The following MORC4 variants were observed in gnomAD, a reference collection of about 807,000 sequenced individuals.
MORC4 encodes the protein MORC family CW-type zinc finger 4, also known as MORC family CW-type zinc finger protein 4.
Under a neutral mutation model 65.5 loss-of-function variants are expected in MORC4, and 22 were observed. That is an observed-to-expected ratio of 0.34 (90% CI 0.24 to 0.48). The LOEUF (loss-of-function observed/expected upper bound fraction) is 0.48. MORC4 is among the 20% of genes least tolerant of loss of function. The pLI is 0.99. For missense variants in MORC4, 624 were observed against 703.0 expected, an observed-to-expected ratio of 0.89 and a Z score of 1.27; for synonymous variants, 267 against 255.8, an observed-to-expected ratio of 1.04 and a Z score of -0.42.
chrX:106,956,779 A>C (rs1205929637), intron 12 of MORC4, among the ~76,000 whole-genome samples, 157 bp downstream of exon 12: 1 of 111,355 alleles, frequency 9.0e-6, no homozygotes, highest in Non-Finnish European at 1.9e-5. Flanking sequence ...CATTCAGGAG[A>C]TGATTAGAAG....
intron 9 of MORC4, among the ~76,000 whole-genome samples, chrX:106,972,090 T>A (rs1384484305): frequency 8.9e-5 from 10 of 112,178 alleles, no homozygotes; most frequent in Admixed American, 7.5e-4. Context: ...AATGATAGAC[T>A]GGATTAAGAA....
rs777091326 is a variant in MORC4, at chrX:106,941,614, C to T, written c.2679G>A (p.Thr893=). The stretch of plus-strand genomic sequence containing the variant: ...GATAGCTGACGTGGATACGTAGCCG[C>T]GTAAGCTTTGCCAAAGCCCTGTATG... The part of the protein sequence containing the change: ...DDLERALAKL[T]RLRIHVSYLL... The change falls in exon 17 of 17, where the codon ACG becomes ACA. Residue 893 remains threonine, a synonymous_variant. Coordinates refer to ENST00000355610, the MANE Select transcript of MORC4 (RefSeq NM_024657.5). The T allele has an allele frequency of 2.5e-6, 3 of 1,210,101 alleles. No individual in the cohort carries two copies. The highest frequency in any genetic ancestry group is 3.0e-5 in the East Asian group (1 of 33,809).
intron 9 of MORC4, among the ~76,000 whole-genome samples, chrX:106,971,007 A>C (rs761546579): frequency 8.9e-6 from 1 of 112,066 alleles, no homozygotes; most frequent in East Asian, 2.8e-4. Flanking sequence ...CGCATAGCCA[A>C]GACAGTCCTG....
intron 3 of MORC4, among the ~76,000 whole-genome samples, chrX:106,989,638 G>A (rs1009604048): frequency 9.0e-6 from 1 of 111,182 alleles, no homozygotes; most frequent in African/African-American, 3.3e-5. Context: ...GGAGGCCGAG[G>A]CAGGCGGATC....
rs765583045 is a variant in MORC4, at chrX:106,941,654, C to A, written c.2661-22G>T. On this transcript the variant is annotated intron_variant, in intron 16 of 16. Coordinates refer to ENST00000355610, the MANE Select transcript of MORC4 (RefSeq NM_024657.5). The stretch of plus-strand genomic sequence containing the variant: ...AGCCCTGTATGAAGGAGTGAGGGGG[C>A]AGGAGAAGAGATGACATGAAGTCAT... 3.3e-6 allele frequency: 4 copies of A among 1,198,566 alleles called. No individual in the cohort carries two copies. In the South Asian group the frequency reaches 5.5e-5, roughly 16 times the overall value.
intron 3 of MORC4, among the ~76,000 whole-genome samples, chrX:106,990,616 A>T (rs1168594284): frequency 8.9e-6 from 1 of 112,530 alleles, no homozygotes; most frequent in Non-Finnish European, 1.9e-5. Flanking sequence ...TCATGCCTGT[A>T]ATCTCAGCAC....
At chrX:106,947,571 T>TATATATATATA (rs1555982139) in intron 14 of MORC4, among the ~76,000 whole-genome samples, 1 of 77,956 alleles carries the variant, frequency 1.3e-5, no homozygotes, top group Non-Finnish European at 2.3e-5. Context: ...TATATATATA[T>TATATATATATA]TATATATATA....
chrX:106,981,490 G>T lies in MORC4; in HGVS notation c.675-13C>A. 8.5e-7 allele frequency: 1 copy of T among 1,172,826 alleles called. No homozygotes were observed. Among genetic ancestry groups the T allele is most frequent in the Non-Finnish European group, 1.1e-6 (1 of 878,183 alleles). On this transcript the variant is annotated splice_polypyrimidine_tract_variant and intron_variant, in intron 5 of 16. Transcript: ENST00000355610. ...TCCATTTTTATTTCTGGGGAAAAGAGACAAGTACCAATCTAACAAAAACTG... is the reference window on the plus strand; with the variant it reads ...TCCATTTTTATTTCTGGGGAAAAGATACAAGTACCAATCTAACAAAAACTG...
At chrX:106,954,775 C>T (rs1486502176) in intron 14 of MORC4, 138 bp downstream of exon 14, 23 of 561,522 alleles carry the variant, frequency 4.1e-5, no homozygotes. Flanking sequence ...ATTCTATCAA[C>T]TTAAAATTGT....
Position 106,958,435 on chromosome X carries a change from C to A in MORC4, c.1286G>T (p.Cys429Phe). The A allele has an allele frequency of 8.3e-7, 1 of 1,206,826 alleles. No individual in the cohort carries two copies. The highest frequency in any genetic ancestry group is 1.1e-6 in the Non-Finnish European group (1 of 892,241). The stretch of plus-strand genomic sequence containing the variant: ...CTTTCTCCATTTAAGACACTCATCA[C>A]ACTGAACCCATGTCTGGTCAGGAAC... Reference protein sequence around the residue: ...PKVPDQTWVQCDECLKWRKLP... With the variant: ...PKVPDQTWVQFDECLKWRKLP... The change falls in exon 11 of 17, where the codon TGT becomes TTT. Residue 429 changes from cysteine (C) to phenylalanine (F), a missense_variant. Physicochemically the swap from Cys to Phe is radical, Grantham distance 205 (BLOSUM62 -2). Transcript: ENST00000355610.
chrX:106,981,441 T>C lies in MORC4; in HGVS notation c.711A>G (p.Thr237=), dbSNP rs749537627. 5 of 1,194,479 alleles carry C rather than the reference T, an allele frequency of 4.2e-6. No individual in the cohort carries two copies. Among genetic ancestry groups the C allele is most frequent in the Non-Finnish European group, 5.6e-6 (5 of 888,185 alleles). The change falls in exon 6 of 17, where the codon ACA becomes ACG. Residue 237 remains threonine (T), a synonymous_variant. Coordinates refer to ENST00000355610, the MANE Select transcript of MORC4 (RefSeq NM_024657.5). ...CTGATACCAGGATGTCATATTGATC[T>C]GTATCAAAGTCCAACTCAGATTTTC... The part of the protein sequence containing the change: ...KNGKSELDFD[T]DQYDILVSDF...
intron 10 of MORC4, 106 bp from the exon 11 acceptor site, chrX:106,958,570 G>T: frequency 1.5e-6 from 1 of 686,702 alleles, no homozygotes. Flanking sequence ...TTTCATATAT[G>T]AAATATGTTG....
At chrX:106,968,497 C>G (rs952692668) in intron 9 of MORC4, among the ~76,000 whole-genome samples, 2 of 109,292 alleles carry the variant, frequency 1.8e-5, no homozygotes, top group Non-Finnish European at 3.8e-5. Context: ...GGGCTAAATG[C>G]CAAATTAAAA....
intron 7 of MORC4, among the ~76,000 whole-genome samples, chrX:106,978,749 G>T (rs777305627): frequency 9.0e-6 from 1 of 111,361 alleles, no homozygotes; most frequent in African/African-American, 3.3e-5. Context: ...TCAGTTTGCT[G>T]CTAGGGCACA....
At chrX:106,989,300 G>A (rs1307838648) in intron 3 of MORC4, among the ~76,000 whole-genome samples, 1 of 112,246 alleles carries the variant, frequency 8.9e-6, no homozygotes, top group Admixed American at 9.4e-5. Context: ...ACTAGCCCCA[G>A]AAGCTAAAGA....
intron 4 of MORC4, among the ~76,000 whole-genome samples, chrX:106,985,519 A>G (rs1934852446): frequency 8.9e-6 from 1 of 112,246 alleles, no homozygotes; most frequent in Admixed American, 9.4e-5. Flanking sequence ...GGAAGCAATA[A>G]GTTAAAACCT....
Position 106,972,728 on chromosome X carries a change from C to T in MORC4, c.1157+3856G>A, listed in dbSNP as rs748831227. Reference sequence around the variant, plus strand: ...CCGAGGCAGGCAGATCACCTGAGGTCGGGAGTTCAAGACCAGACTGACCAA... The same window carrying T: ...CCGAGGCAGGCAGATCACCTGAGGTTGGGAGTTCAAGACCAGACTGACCAA... On this transcript the variant is annotated intron_variant, in intron 9 of 16. Coordinates refer to ENST00000355610, the MANE Select transcript of MORC4 (RefSeq NM_024657.5). 1.4e-4 allele frequency among the ~76,000 whole-genome samples: 16 copies of T among 111,786 alleles called. No homozygotes were observed. In the Admixed American group the frequency reaches 1.5e-3, roughly 11 times the overall value.
chrX:106,944,018 A>ATTTTT (rs1933764325), intron 14 of MORC4, among the ~76,000 whole-genome samples: 1 of 112,583 alleles, frequency 8.9e-6, no homozygotes, highest in Non-Finnish European at 1.9e-5. Context: ...GCAGGGTGGG[A>ATTTTT]ACCCCATTTT....
In MORC4 at chrX:106,978,191, C is replaced by G. The variant is rs1191324790; in HGVS notation, c.945G>C (p.Gln315His). 1 of 1,201,102 alleles carries G rather than the reference C, an allele frequency of 8.3e-7. No homozygotes were observed. The highest frequency in any genetic ancestry group is 1.8e-5 in the African/African-American group (1 of 56,618). ...AAGAGAACCCAAAGGTGATTCTCACCTGCTTATTCTGAGAAGAACATCGTT... is the reference window on the plus strand; with the variant it reads ...AAGAGAACCCAAAGGTGATTCTCACGTGCTTATTCTGAGAAGAACATCGTT... ...DTYKPTFTNKQVRITFGFSCK... is the reference protein window; with the variant it reads ...DTYKPTFTNKHVRITFGFSCK... Residue 315 changes from glutamine to histidine, a missense_variant, in exon 8 of 17, where the codon CAG becomes CAC. Gln to His is a conservative substitution (Grantham distance 24). Transcript: ENST00000355610.
Sources: gnomAD v4.1 joint callset for allele counts (sites outside exome capture counted in the v4.1 genomes callset) on GRCh38, gnomAD v4.1.1 for gene constraint, MANE v1.5 for transcripts, NCBI Gene and HGNC (gene_info 2026-07-23, HGNC 2026-07-21) for gene names.